The following CTNNA3 variants were observed in gnomAD, a reference collection of about 807,000 sequenced individuals.
CTNNA3 encodes the protein catenin alpha-3.
Under a neutral mutation model 95.7 loss-of-function variants are expected in CTNNA3, and 76 were observed. That is an observed-to-expected ratio of 0.79 (90% CI 0.66 to 0.96). CTNNA3 has a LOEUF of 0.96. Among genes scored for constraint, CTNNA3 ranks in the 40% least tolerant of loss-of-function variants. CTNNA3 has a pLI of 0.00. For synonymous variants in CTNNA3, 431 were observed against 374.4 expected (o/e 1.15, Z -1.74); for missense variants, 1,191 against 1,089.8 (o/e 1.09, Z -1.31).
At chr10:66,801,114 T>C (rs1256565096) in intron 7 of CTNNA3, among the ~76,000 whole-genome samples, 2 of 151,294 alleles carry the variant, frequency 1.3e-5, no homozygotes, top group Non-Finnish European at 3.0e-5. Context: ...CTCTATTCAA[T>C]AATAAGCTGG....
rs370358378 is a variant in CTNNA3 at position 67,121,981 on chromosome 10, CAAAAAAA to C, written c.1047+58329_1047+58335del. Among the ~76,000 whole-genome samples, 306 of 47,112 alleles carry C rather than the reference CAAAAAAA, an allele frequency of 6.5e-3. 5 individuals carry two copies. Among genetic ancestry groups the C allele is most frequent in the African/African-American group, 0.02 (297 of 14,666 alleles). 30.9% of individuals were successfully genotyped at this position (47,112 alleles called of 152,430 possible). ...CGCTCTTAGCCAACATTATTCTGAG[CAAAAAAA>C]AAAAAAAAAAAAAAAAAAAAGCTGA... On this transcript the variant is annotated intron_variant, in intron 7 of 17. Transcript: ENST00000433211.
chr10:67,732,912 A>ACAAACT lies in CTNNA3; in HGVS notation c.-2+30521_-2+30522insAGTTTG, dbSNP rs33931736. Among the ~76,000 whole-genome samples the ACAAACT allele has an allele frequency of 3.8e-3, 576 of 151,240 alleles. 8 individuals are homozygous for ACAAACT. The highest frequency in any genetic ancestry group is 0.013 in the African/African-American group (539 of 41,070). Reference sequence around the variant, plus strand: ...CACACACACACACACACACACACACATTCTCTCTCTCAAGACTCCGTTAAA... The same window carrying ACAAACT: ...CACACACACACACACACACACACACACAAACTTTCTCTCTCTCAAGACTCCGTTAAA... On this transcript the variant is annotated intron_variant, in intron 1 of 17. Transcript: ENST00000684154.
intron 7 of CTNNA3, among the ~76,000 whole-genome samples, chr10:67,174,172 T>C (rs1343557199): frequency 5.3e-5 from 8 of 152,204 alleles, no homozygotes; most frequent in Admixed American, 6.5e-5. Context: ...TTCCCTTTTA[T>C]TAAAAAAGAT....
intron 7 of CTNNA3, among the ~76,000 whole-genome samples, chr10:67,037,912 C>A (rs1395203523): frequency 6.6e-6 from 1 of 151,984 alleles, no homozygotes; most frequent in African/African-American, 2.4e-5. Context: ...AGGTCCAGGA[C>A]AGAAACCCAG....
chr10:66,864,234 C>A (rs1401589543), intron 7 of CTNNA3, among the ~76,000 whole-genome samples: 1 of 152,074 alleles, frequency 6.6e-6, no homozygotes, highest in Admixed American at 6.6e-5. Context: ...GGGATTAGGT[C>A]AGGAGAGCTC....
chr10:67,607,716 A>T (rs1843327248), intron 2 of CTNNA3, among the ~76,000 whole-genome samples: 1 of 152,216 alleles, frequency 6.6e-6, no homozygotes, highest in Admixed American at 6.5e-5. Flanking sequence ...CATGGCACCA[A>T]GAACAGCAAC....
chr10:66,041,816 G>A (rs2079694924), intron 15 of CTNNA3, among the ~76,000 whole-genome samples: 1 of 152,012 alleles, frequency 6.6e-6, no homozygotes, highest in African/African-American at 2.4e-5. Context: ...TTACAACTGG[G>A]ATACCTAACT....
At chr10:66,842,988 T>A (rs1429796330) in intron 7 of CTNNA3, among the ~76,000 whole-genome samples, 1 of 151,724 alleles carries the variant, frequency 6.6e-6, no homozygotes, top group African/African-American at 2.4e-5. Context: ...GAGCAAAGAG[T>A]CACTTAGTGT....
chr10:67,145,688 C>T (rs993389918), intron 7 of CTNNA3, among the ~76,000 whole-genome samples: 2 of 152,026 alleles, frequency 1.3e-5, no homozygotes, highest in South Asian at 4.1e-4. Flanking sequence ...CTTGGCCTCC[C>T]AAAGTGCTGG....
intron 7 of CTNNA3, among the ~76,000 whole-genome samples, chr10:66,914,542 CAA>C (rs34229702): frequency 0.012 from 1,584 of 132,356 alleles, 11 homozygotes; most frequent in Non-Finnish European, 0.017. Context: ...AGTATACCAC[CAA>C]AAAAAAAAAA....
intron 7 of CTNNA3, among the ~76,000 whole-genome samples, chr10:66,786,108 C>A (rs1208121276): frequency 6.6e-6 from 1 of 152,168 alleles, no homozygotes; most frequent in African/African-American, 2.4e-5. Context: ...CCCACTCCCT[C>A]CCCTTGATCC....
chr10:67,460,605 T>C (rs1847339803), intron 5 of CTNNA3, among the ~76,000 whole-genome samples: 1 of 152,188 alleles, frequency 6.6e-6, no homozygotes. Context: ...TTATTACTTT[T>C]CTATGATAGT....
At chr10:67,213,205 T>C (rs112369091) in intron 6 of CTNNA3, among the ~76,000 whole-genome samples, 3,227 of 151,918 alleles carry the variant, frequency 0.021, 99 homozygotes, top group African/African-American at 0.073. Flanking sequence ...AATTTTCATT[T>C]TTATCAGTAT....
chr10:67,358,591 C>T (rs1428810287), intron 5 of CTNNA3, among the ~76,000 whole-genome samples: 1 of 152,074 alleles, frequency 6.6e-6, no homozygotes, highest in African/African-American at 2.4e-5. Context: ...TTCTGGGGAC[C>T]TCAGGAGTCC....
intron 12 of CTNNA3, among the ~76,000 whole-genome samples, chr10:66,313,203 T>A (rs1421739746): frequency 6.6e-6 from 1 of 152,194 alleles, no homozygotes; most frequent in Non-Finnish European, 1.5e-5. Context: ...AGTCCTATGA[T>A]GTGGGTATTA....
chr10:67,305,832 T>C (rs542502619), intron 5 of CTNNA3, among the ~76,000 whole-genome samples: 1 of 152,240 alleles, frequency 6.6e-6, no homozygotes, highest in Admixed American at 6.5e-5. Context: ...AATACAGGAC[T>C]GAGCTCAGAA....
chr10:66,212,482 T>C (rs1368428326), intron 13 of CTNNA3, among the ~76,000 whole-genome samples: 1 of 152,232 alleles, frequency 6.6e-6, no homozygotes, highest in Non-Finnish European at 1.5e-5. Flanking sequence ...TTAACTTTCT[T>C]ATTATTTTGG....
rs2077032307 is a variant in CTNNA3, at chr10:65,918,355, T to C, written c.*1975A>G. ...TTGGTGATTTCAAAAAAATTTTCTA[T>C]ACAGCTGGTAGTTTGGTGATTAAAA... is the stretch of plus-strand genomic sequence containing the variant. On this transcript the variant is annotated 3_prime_UTR_variant, in exon 18 of 18. Transcript: ENST00000433211. The C allele has an allele frequency of 6.6e-6, 1 of 152,146 alleles. No individual in the cohort carries two copies. The highest frequency in any genetic ancestry group is 2.4e-5 in the African/African-American group (1 of 41,436). 9.4% of individuals were successfully genotyped at this position (152,146 alleles called of 1,614,324 possible). A position where few individuals can be genotyped will look rare whatever the true frequency, so the allele number is the denominator to read the frequency against.
chr10:66,980,936 C>T (rs1212462848), intron 7 of CTNNA3, among the ~76,000 whole-genome samples: 3 of 152,086 alleles, frequency 2.0e-5, no homozygotes, highest in Non-Finnish European at 4.4e-5. Flanking sequence ...GACAGAGTTT[C>T]ACTCTTGTTG....
Sources: gnomAD v4.1 joint callset for allele counts (sites outside exome capture counted in the v4.1 genomes callset) on GRCh38, gnomAD v4.1.1 for gene constraint, MANE v1.5 for transcripts, NCBI Gene and HGNC (gene_info 2026-07-23, HGNC 2026-07-21) for gene names.